Variants in KCNJ3 observed in about 807,000 individuals in gnomAD.
The protein encoded by KCNJ3 is G protein-activated inward rectifier potassium channel 1.
KCNJ3 carries 4 observed loss-of-function variants against 39.2 expected under a neutral mutation model. The observed-to-expected ratio is 0.10, with a 90% CI of 0.05 to 0.23. KCNJ3 has a LOEUF of 0.23. Among genes scored for constraint, KCNJ3 ranks in the 10% least tolerant of loss-of-function variants. The pLI is 1.00. For missense variants in KCNJ3, 276 were observed against 634.9 expected, an observed-to-expected ratio of 0.43 and a Z score of 6.08; for synonymous variants, 230 against 237.4, an observed-to-expected ratio of 0.97 and a Z score of 0.29.
At chr2:154,763,281 C>T (rs927127963) in intron 2 of KCNJ3, among the ~76,000 whole-genome samples, 10 of 152,074 alleles carry the variant, frequency 6.6e-5, no homozygotes, top group African/African-American at 2.4e-4. Context: ...AAGAAATAAA[C>T]GGAATCTTTT....
intron 2 of KCNJ3, among the ~76,000 whole-genome samples, chr2:154,786,094 T>G (rs1686524627): frequency 6.6e-6 from 1 of 152,224 alleles, no homozygotes; most frequent in Admixed American, 6.5e-5. Flanking sequence ...AGCTTCATCT[T>G]CTGAGGAAAT....
intron 2 of KCNJ3, among the ~76,000 whole-genome samples, chr2:154,711,464 AT>A (rs1685101116): frequency 1.3e-5 from 2 of 152,234 alleles, no homozygotes; most frequent in Non-Finnish European, 2.9e-5. Context: ...AAAATGTTTT[AT>A]TAGATCTATC....
chr2:154,832,037 G>T (rs1452454233), intron 2 of KCNJ3, among the ~76,000 whole-genome samples: 1 of 152,090 alleles, frequency 6.6e-6, no homozygotes, highest in South Asian at 2.1e-4. Context: ...GGAAGGAGGT[G>T]CCAGGCTCTT....
chr2:154,766,173 G>C (rs907496515), intron 2 of KCNJ3, among the ~76,000 whole-genome samples: 19 of 152,160 alleles, frequency 1.2e-4, no homozygotes, highest in African/African-American at 4.6e-4. Context: ...GACGTAATGA[G>C]CAAAATTACT....
chr2:154,803,260 T>G (rs1329208940), intron 2 of KCNJ3, among the ~76,000 whole-genome samples: 1 of 152,024 alleles, frequency 6.6e-6, no homozygotes, highest in Non-Finnish European at 1.5e-5. Context: ...CAAATAGTAT[T>G]CATTTCCTAT....
At chr2:154,779,595 G>A (rs1225510286) in intron 2 of KCNJ3, among the ~76,000 whole-genome samples, 1 of 149,168 alleles carries the variant, frequency 6.7e-6, no homozygotes, top group East Asian at 1.9e-4. Context: ...CTAGGCTGGA[G>A]TGCAGTGGCA....
At chr2:154,770,434 G>A (rs1367480389) in intron 2 of KCNJ3, among the ~76,000 whole-genome samples, 2 of 137,630 alleles carry the variant, frequency 1.5e-5, no homozygotes, top group African/African-American at 4.9e-5. Flanking sequence ...TGAGAAATGG[G>A]ATTTTTTTTT....
At chr2:154,794,550 G>A (rs975773495) in intron 2 of KCNJ3, among the ~76,000 whole-genome samples, 1 of 152,086 alleles carries the variant, frequency 6.6e-6, no homozygotes, top group Non-Finnish European at 1.5e-5. Context: ...AGGAGAGAAA[G>A]AGATCCAGGA....
At chr2:154,839,037 G>T (rs1046033030) in intron 2 of KCNJ3, among the ~76,000 whole-genome samples, 1 of 152,106 alleles carries the variant, frequency 6.6e-6, no homozygotes, top group African/African-American at 2.4e-5. Context: ...ATGTTTGTTT[G>T]CTGCACCCAT....
At chr2:154,843,486 C>T (rs536499353) in intron 2 of KCNJ3, among the ~76,000 whole-genome samples, 1 of 152,232 alleles carries the variant, frequency 6.6e-6, no homozygotes, top group South Asian at 2.1e-4. Context: ...GTTGGCCTGC[C>T]TTGCTAGGTT....
chr2:154,753,186 T>C (rs1685878636), intron 2 of KCNJ3, among the ~76,000 whole-genome samples: 1 of 152,098 alleles, frequency 6.6e-6, no homozygotes, highest in African/African-American at 2.4e-5. Context: ...AAAACTATAA[T>C]TATAAAGTCA....
intron 2 of KCNJ3, among the ~76,000 whole-genome samples, chr2:154,793,062 G>A (rs1277716786): frequency 3.9e-5 from 6 of 151,980 alleles, no homozygotes; most frequent in Admixed American, 2.0e-4. Flanking sequence ...TAGGCCACAG[G>A]CTGATTTAAA....
rs984689076 is a variant in KCNJ3 at position 154,709,692 on chromosome 2, T to G, written c.792T>G (p.Leu264=). Residue 264 remains leucine, a synonymous_variant, in exon 2 of 3, where the codon CTT becomes CTG. Transcript: ENST00000295101. ...GFSTGADQLF[L]VSPLTICHVI... is the part of the protein sequence containing the mutation. ...GTACAGGGGCAGATCAACTTTTTCTTGTGTCCCCCCTCACAATTTGCCACG... is the reference window on the plus strand; with the variant it reads ...GTACAGGGGCAGATCAACTTTTTCTGGTGTCCCCCCTCACAATTTGCCACG... The G allele has an allele frequency of 6.8e-6, 11 of 1,613,866 alleles. No homozygotes were observed. The Admixed American group carries it at 1.8e-4, about 27-fold the overall frequency.
At chr2:154,746,038 C>T (rs1290143622) in intron 2 of KCNJ3, among the ~76,000 whole-genome samples, 1 of 151,820 alleles carries the variant, frequency 6.6e-6, no homozygotes, top group African/African-American at 2.4e-5. Context: ...CCAACTCCTC[C>T]TCTTCCTCTC....
chr2:154,858,049 T>G lies in KCNJ3; in HGVS notation c.*2736T>G, dbSNP rs780618902. ...AACAGAAATCTATCTCATGAGAAAG[T>G]GCTACTGTTGTCAAAATTACCTTAT... On this transcript the variant is annotated 3_prime_UTR_variant, in exon 3 of 3. Transcript: ENST00000295101. 2 of 151,912 alleles carry G rather than the reference T, an allele frequency of 1.3e-5. No homozygotes were observed. The highest frequency in any genetic ancestry group is 2.9e-5 in the Non-Finnish European group (2 of 67,980). 9.4% of individuals were successfully genotyped at this position (151,912 alleles called of 1,614,324 possible).
chr2:154,794,318 T>A (rs1331273259), intron 2 of KCNJ3, among the ~76,000 whole-genome samples: 4 of 152,066 alleles, frequency 2.6e-5, no homozygotes, highest in Non-Finnish European at 5.9e-5. Flanking sequence ...TTCCTTTCAA[T>A]GTTCTTTAAA....
chr2:154,699,162 C>T lies in KCNJ3; in HGVS notation c.387C>T (p.Asn129=). 6.2e-7 allele frequency: 1 copy of T among 1,614,236 alleles called. No individual in the cohort carries two copies. Among genetic ancestry groups the T allele is most frequent in the South Asian group, 1.1e-5 (1 of 91,090 alleles). The change falls in exon 1 of 3, where the codon AAC becomes AAT. Residue 129 remains asparagine (N), a synonymous_variant. Coordinates refer to ENST00000295101, the MANE Select transcript of KCNJ3 (RefSeq NM_002239.4). The surrounding 1 kb of genome is among the most constrained non-coding windows in gnomAD (Gnocchi z 6.4). ...NYTPCVANVY[N]FPSAFLFFIE... Reference sequence around the variant, plus strand: ...CGCCTTGCGTGGCCAATGTCTATAACTTCCCTTCTGCCTTCCTCTTCTTCA... The same window carrying T: ...CGCCTTGCGTGGCCAATGTCTATAATTTCCCTTCTGCCTTCCTCTTCTTCA...
At chr2:154,848,557 G>C (rs17567975) in intron 2 of KCNJ3, among the ~76,000 whole-genome samples, 12,992 of 151,934 alleles carry the variant, frequency 0.086, 827 homozygotes, top group Non-Finnish European at 0.13. Flanking sequence ...CTCATCAATT[G>C]GTTTCCCATA....
At chr2:154,733,676 G>C (rs1390179310) in intron 2 of KCNJ3, among the ~76,000 whole-genome samples, 1 of 152,154 alleles carries the variant, frequency 6.6e-6, no homozygotes, top group Non-Finnish European at 1.5e-5. Context: ...GGAGGTGCTA[G>C]ATACATTCGT....
Sources: gnomAD v4.1 joint callset for allele counts (sites outside exome capture counted in the v4.1 genomes callset) on GRCh38, gnomAD v4.1.1 for gene constraint, Gnocchi (gnomAD v3.1) non-coding constraint, MANE v1.5 for transcripts, NCBI Gene and HGNC (gene_info 2026-07-23, HGNC 2026-07-21) for gene names.